The following FBXW8 variants were observed in gnomAD, a reference collection of about 807,000 sequenced individuals.
The protein encoded by FBXW8 is F-box/WD repeat-containing protein 8.
FBXW8 carries 57 observed loss-of-function variants against 65.3 expected under a neutral mutation model. The observed-to-expected ratio is 0.87, with a 90% CI of 0.71 to 1.09. FBXW8 has a LOEUF of 1.09. FBXW8 is among the 50% of genes least tolerant of loss of function. The pLI, the probability that FBXW8 is intolerant of heterozygous loss-of-function variation, is 0.00. For missense variants in FBXW8, 777 were observed against 814.8 expected (o/e 0.95, Z 0.57); for synonymous variants, 308 against 330.2 (o/e 0.93, Z 0.73).
At chr12:116,962,610 C>CA (rs1884055810) in intron 4 of FBXW8, among the ~76,000 whole-genome samples, 1 of 152,236 alleles carries the variant, frequency 6.6e-6, no homozygotes, top group Non-Finnish European at 1.5e-5. Flanking sequence ...ACTTCTTTTT[C>CA]TGAACGTGCC....
intron 7 of FBXW8, among the ~76,000 whole-genome samples, chr12:117,003,818 T>G (rs1953603859): frequency 6.6e-6 from 1 of 152,244 alleles, no homozygotes; most frequent in Non-Finnish European, 1.5e-5. Context: ...GTCATTCTCT[T>G]TTAGGACTTT....
At position 116,910,988 on chromosome 12, in the gene FBXW8, G is replaced by A. The variant is rs572549228; in HGVS notation, c.-50G>A. 5 of 1,342,342 alleles carry A rather than the reference G, an allele frequency of 3.7e-6. No homozygotes were observed. The South Asian group carries it at 9.4e-5, about 25-fold the overall frequency. 83.2% of individuals were successfully genotyped at this position (1,342,342 alleles called of 1,614,324 possible). ...ACACTTCCCTGGGCGGGACTGTCTCGTGGCACCCGGTGGAACCGAGGAGAA... is the reference window on the plus strand; with the variant it reads ...ACACTTCCCTGGGCGGGACTGTCTCATGGCACCCGGTGGAACCGAGGAGAA... On this transcript the variant is annotated 5_prime_UTR_variant, in exon 1 of 11. In the 5' UTR this introduces an upstream ATG that the reference lacks. Coordinates refer to ENST00000652555, the MANE Select transcript of FBXW8 (RefSeq NM_153348.3).
intron 7 of FBXW8, among the ~76,000 whole-genome samples, chr12:117,009,640 G>A (rs1026503965): frequency 1.5e-4 from 23 of 152,170 alleles, no homozygotes; most frequent in African/African-American, 5.1e-4. Context: ...AGCAAAAAAC[G>A]TAAATTTCCC....
At chr12:117,022,976 GTCT>G (rs1954136581) in intron 8 of FBXW8, among the ~76,000 whole-genome samples, 1 of 152,198 alleles carries the variant, frequency 6.6e-6, no homozygotes, top group African/African-American at 2.4e-5. Flanking sequence ...TAAGCCATCT[GTCT>G]TCTTGTTCTG....
intron 4 of FBXW8, among the ~76,000 whole-genome samples, chr12:116,963,779 C>A (rs1315654396): frequency 6.6e-6 from 1 of 152,198 alleles, no homozygotes; most frequent in Non-Finnish European, 1.5e-5. Flanking sequence ...AGACTATGAA[C>A]CCCCTTAAAA....
rs935867479 is a variant in FBXW8 at position 116,910,954 on chromosome 12, C to T, written c.-84C>T. The stretch of plus-strand genomic sequence containing the variant: ...GAGCGGCGGCGGCAGCGGCTTCCGG[C>T]CGCGGCGGACACTTCCCTGGGCGGG... On this transcript the variant is annotated 5_prime_UTR_variant, in exon 1 of 11. Transcript: ENST00000652555. The T allele has an allele frequency of 1.1e-5, 14 of 1,256,366 alleles. No homozygotes were observed. The highest frequency in any genetic ancestry group is 1.4e-5 in the Non-Finnish European group (14 of 991,922). 77.8% of individuals were successfully genotyped at this position (1,256,366 alleles called of 1,614,324 possible).
chr12:117,012,120 GGCT>G (rs1953834982), intron 8 of FBXW8, among the ~76,000 whole-genome samples: 1 of 152,050 alleles, frequency 6.6e-6, no homozygotes, highest in African/African-American at 2.4e-5. Context: ...GGATACTGAG[GGCT>G]GACTGTATAC....
chr12:117,004,430 T>G lies in FBXW8; in HGVS notation c.1240-5893T>G, dbSNP rs1953627502. ...GAGCTAATACTCAGTTGATCTTGAT[T>G]TGTAGGTTTCTTAAAGGGGCCTGAG... On this transcript the variant is annotated intron_variant, in intron 7 of 10. Coordinates refer to ENST00000652555, the MANE Select transcript of FBXW8 (RefSeq NM_153348.3). Among the ~76,000 whole-genome samples, 3 of 152,326 alleles carry G rather than the reference T, an allele frequency of 2.0e-5. No individual in the cohort carries two copies. In the South Asian group the frequency reaches 6.2e-4, roughly 32 times the overall value.
intron 1 of FBXW8, among the ~76,000 whole-genome samples, chr12:116,919,807 T>G (rs1337863583): frequency 6.6e-6 from 1 of 152,234 alleles, no homozygotes; most frequent in African/African-American, 2.4e-5. Flanking sequence ...ATATGGAGTT[T>G]TAGGTCTGCT....
chr12:116,955,668 TGAG>T (rs915315994), intron 4 of FBXW8, among the ~76,000 whole-genome samples: 14 of 152,262 alleles, frequency 9.2e-5, no homozygotes, highest in African/African-American at 3.4e-4. Context: ...TGTTTATCCT[TGAG>T]GAGAAAGAGT....
intron 8 of FBXW8, among the ~76,000 whole-genome samples, chr12:117,012,683 A>T (rs7977598): frequency 0.29 from 43,530 of 151,950 alleles, 9,270 homozygotes; most frequent in African/African-American, 0.61. Flanking sequence ...AAAGTGGGAG[A>T]AAGGGGTCAA....
chr12:116,922,800 G>T (rs1881002891), intron 1 of FBXW8, among the ~76,000 whole-genome samples: 1 of 151,436 alleles, frequency 6.6e-6, no homozygotes, highest in African/African-American at 2.4e-5. Context: ...CCCTTTGAGT[G>T]TGTGTGTGTG....
At chr12:116,973,740 C>G (rs753600828) in intron 5 of FBXW8, among the ~76,000 whole-genome samples, 3 of 152,176 alleles carry the variant, frequency 2.0e-5, no homozygotes, top group Non-Finnish European at 4.4e-5. Flanking sequence ...CAATGGAGTG[C>G]AGTGTGTCAT....
At chr12:116,994,063 C>G (rs1224078743) in intron 7 of FBXW8, among the ~76,000 whole-genome samples, 1 of 152,074 alleles carries the variant, frequency 6.6e-6, no homozygotes, top group Non-Finnish European at 1.5e-5. Flanking sequence ...CCAAAGCAAC[C>G]CTAAGCAAAA....
At chr12:116,938,099 T>G (rs1882289419) in intron 2 of FBXW8, among the ~76,000 whole-genome samples, 2 of 152,198 alleles carry the variant, frequency 1.3e-5, no homozygotes, top group Admixed American at 6.5e-5. Flanking sequence ...GTGGGACCCT[T>G]TAACATTTGC....
chr12:116,917,577 A>G (rs1806281819), intron 1 of FBXW8, among the ~76,000 whole-genome samples: 1 of 152,242 alleles, frequency 6.6e-6, no homozygotes, highest in Non-Finnish European at 1.5e-5. Context: ...AGAGAGAACA[A>G]CTAATAAGTT....
intron 4 of FBXW8, among the ~76,000 whole-genome samples, chr12:116,960,502 T>C (rs1387210756): frequency 6.6e-6 from 1 of 152,230 alleles, no homozygotes; most frequent in African/African-American, 2.4e-5. Flanking sequence ...TTAATTTAAA[T>C]AGATATATGG....
At chr12:116,999,684 C>G (rs970417470) in intron 7 of FBXW8, among the ~76,000 whole-genome samples, 1 of 152,142 alleles carries the variant, frequency 6.6e-6, no homozygotes, top group Non-Finnish European at 1.5e-5. Context: ...CCCCGGTGCC[C>G]ATCTTCAGCC....
intron 1 of FBXW8, among the ~76,000 whole-genome samples, chr12:116,921,274 A>G (rs967807406): frequency 6.6e-6 from 1 of 152,180 alleles, no homozygotes; most frequent in Non-Finnish European, 1.5e-5. Context: ...CACTTATATC[A>G]CCCGCACATG....
Sources: gnomAD v4.1 joint callset for allele counts (sites outside exome capture counted in the v4.1 genomes callset) on GRCh38, gnomAD v4.1.1 for gene constraint, MANE v1.5 for transcripts, NCBI Gene and HGNC (gene_info 2026-07-23, HGNC 2026-07-21) for gene names.